SDK1: variants seen among roughly 807,000 people sequenced by gnomAD.
SDK1 encodes the protein protein sidekick-1.
A neutral mutation model predicts 245.5 loss-of-function variants in SDK1; 157 were observed. The observed-to-expected ratio is 0.64, with a 90% CI of 0.56 to 0.73. The LOEUF (loss-of-function observed/expected upper bound fraction) is 0.73, where lower values mean the gene tolerates loss of function less well. Among genes scored for constraint, SDK1 ranks in the 30% least tolerant of loss-of-function variants. The probability of loss-of-function intolerance (pLI) is 0.00; values close to 1 mark genes in which losing one functional copy is unlikely to be tolerated. For synonymous variants in SDK1, 1,647 were observed against 1,278.5 expected, an observed-to-expected ratio of 1.29 and a Z score of -6.15; for missense variants, 3,583 against 3,002.3, an observed-to-expected ratio of 1.19 and a Z score of -4.52.
intron 32 of SDK1, among the ~76,000 whole-genome samples, chr7:4,166,491 C>T (rs966137729): frequency 1.3e-5 from 2 of 152,218 alleles, no homozygotes; most frequent in Non-Finnish European, 1.5e-5. Flanking sequence ...TGGAGAAGCG[C>T]GTGGCCCCCG....
intron 14 of SDK1, among the ~76,000 whole-genome samples, chr7:4,001,711 T>C (rs1301787949): frequency 1.3e-5 from 2 of 152,342 alleles, no homozygotes; most frequent in Non-Finnish European, 2.9e-5. Context: ...TATCAAAATG[T>C]ATTTATACTG....
At chr7:4,238,367 A>G (rs1372424790) in intron 42 of SDK1, among the ~76,000 whole-genome samples, 1 of 151,922 alleles carries the variant, frequency 6.6e-6, no homozygotes, top group Admixed American at 6.6e-5. Flanking sequence ...GACGTGAGCC[A>G]CGGTGCCCAA....
Position 4,208,216 on chromosome 7 carries a change from A to C in SDK1, c.5332A>C (p.Ile1778Leu). 6.2e-7 allele frequency: 1 copy of C among 1,614,104 alleles called. No homozygotes were observed. Among genetic ancestry groups the C allele is most frequent in the Non-Finnish European group, 8.5e-7 (1 of 1,180,010 alleles). Residue 1778 changes from isoleucine (I) to leucine (L), a missense_variant, in exon 37 of 45, where the codon ATA becomes CTA. Transcript: ENST00000404826. The stretch of plus-strand genomic sequence containing the variant: ...CAGCCATACCAAGTACCTGGTCAGC[A>C]TATCAGCCTTCAACGCCGCCGGAGA... ...LTSHTKYLVS[I>L]SAFNAAGDGP... is the part of the protein sequence containing the mutation.
At chr7:3,932,498 C>A (rs1378346175) in intron 5 of SDK1, among the ~76,000 whole-genome samples, 2 of 152,154 alleles carry the variant, frequency 1.3e-5, no homozygotes, top group African/African-American at 4.8e-5. Flanking sequence ...TAGCAGAGTA[C>A]TCTATTCTTG....
intron 4 of SDK1, among the ~76,000 whole-genome samples, chr7:3,670,418 C>G (rs901916121): frequency 5.9e-5 from 9 of 152,156 alleles, no homozygotes; most frequent in Admixed American, 6.5e-5. Context: ...CTTAACTTTT[C>G]ACTTACTAGG....
At chr7:3,565,688 T>G (rs772401852) in intron 1 of SDK1, among the ~76,000 whole-genome samples, 2 of 152,202 alleles carry the variant, frequency 1.3e-5, no homozygotes, top group Non-Finnish European at 1.5e-5. Context: ...AACAGCTTAG[T>G]ATTTGGATAT....
chr7:3,973,816 G>A (rs1026639060), intron 12 of SDK1, among the ~76,000 whole-genome samples: 1 of 152,084 alleles, frequency 6.6e-6, no homozygotes, highest in Non-Finnish European at 1.5e-5. Context: ...ATGTGTTTTT[G>A]TATTATGACC....
intron 4 of SDK1, among the ~76,000 whole-genome samples, chr7:3,740,367 T>A (rs574339798): frequency 2.5e-4 from 38 of 152,316 alleles, no homozygotes; most frequent in African/African-American, 9.1e-4. Flanking sequence ...TTCTCCAGTT[T>A]TTCCATTTAA....
Position 3,672,766 on chromosome 7 carries a change from T to TACATATATATATATATATATAC in SDK1, c.713+30662_713+30663insCATATATATATATATATATACA, listed in dbSNP as rs1226753258. On this transcript the variant is annotated intron_variant, in intron 4 of 44. Coordinates refer to ENST00000404826, the MANE Select transcript of SDK1 (RefSeq NM_152744.4). ...TTTTTATAATATATAATTTTATATATATATATATATATATATATATATATA... is the reference window on the plus strand; with the variant it reads ...TTTTTATAATATATAATTTTATATATACATATATATATATATATATACATATATATATATATATATATATATA... 2.8e-4 allele frequency among the ~76,000 whole-genome samples: 21 copies of TACATATATATATATATATATAC among 74,290 alleles called. 2 individuals are homozygous for TACATATATATATATATATATAC. The highest frequency in any genetic ancestry group is 5.2e-4 in the Non-Finnish European group (20 of 38,506). The allele number at this position is 74,290 out of a possible 152,430, so 48.7% of individuals were successfully genotyped here.
intron 22 of SDK1, among the ~76,000 whole-genome samples, chr7:4,103,011 T>C (rs1298809803): frequency 1.4e-5 from 2 of 147,828 alleles, no homozygotes; most frequent in Non-Finnish European, 3.0e-5. Flanking sequence ...ACAGAGCTTT[T>C]TTTTTTGGAG....
intron 1 of SDK1, among the ~76,000 whole-genome samples, chr7:3,517,561 A>G (rs1253227445): frequency 6.6e-6 from 1 of 152,184 alleles, no homozygotes; most frequent in Non-Finnish European, 1.5e-5. Flanking sequence ...ACAACGACTT[A>G]GGGAGCCAGG....
At chr7:3,433,485 C>G (rs571949158) in intron 1 of SDK1, among the ~76,000 whole-genome samples, 3 of 152,098 alleles carry the variant, frequency 2.0e-5, no homozygotes, top group Non-Finnish European at 4.4e-5. Context: ...AAACTCTCCT[C>G]TTTTTCTCTT....
chr7:3,983,923 C>T (rs147155813), intron 13 of SDK1, among the ~76,000 whole-genome samples: 307 of 152,314 alleles, frequency 2.0e-3, no homozygotes, highest in Non-Finnish European at 3.6e-3. Context: ...CTGCACATCA[C>T]GGGCACTCAG....
intron 4 of SDK1, among the ~76,000 whole-genome samples, chr7:3,803,955 G>A (rs376226185): frequency 8.7e-5 from 13 of 149,816 alleles, no homozygotes; most frequent in African/African-American, 3.2e-4. Flanking sequence ...TAGTAGAGAC[G>A]GGGTTTCACC....
intron 1 of SDK1, among the ~76,000 whole-genome samples, chr7:3,352,000 C>G (rs961405185): frequency 2.0e-5 from 3 of 151,878 alleles, no homozygotes; most frequent in Admixed American, 6.6e-5. Flanking sequence ...TGATAAATTT[C>G]AAATGATTGA....
chr7:3,561,592 C>G (rs898543761), intron 1 of SDK1, among the ~76,000 whole-genome samples: 2 of 152,158 alleles, frequency 1.3e-5, no homozygotes, highest in African/African-American at 4.8e-5. Context: ...ATTCCTGGCA[C>G]ATGGTAAATG....
chr7:4,123,134 G>T (rs1397295941), intron 25 of SDK1, among the ~76,000 whole-genome samples: 2 of 152,142 alleles, frequency 1.3e-5, no homozygotes, highest in African/African-American at 4.8e-5. Flanking sequence ...TCTATAGGGA[G>T]AATTGGGCAC....
intron 5 of SDK1, among the ~76,000 whole-genome samples, chr7:3,913,373 A>C (rs1174792448): frequency 6.7e-6 from 1 of 149,258 alleles, no homozygotes; most frequent in Non-Finnish European, 1.5e-5. Flanking sequence ...GGCTCACTGC[A>C]ACCTCCGCCT....
chr7:3,986,190 A>T (rs1416612996), intron 13 of SDK1, among the ~76,000 whole-genome samples: 3 of 125,098 alleles, frequency 2.4e-5, no homozygotes, highest in African/African-American at 7.9e-5. Context: ...GTTAAGTCCC[A>T]GTAAAAACTT....
Sources: allele counts gnomAD v4.1 joint callset (sites outside exome capture counted in the v4.1 genomes callset), GRCh38; gene constraint gnomAD v4.1.1; transcripts MANE v1.5; gene names NCBI Gene and HGNC (gene_info 2026-07-23, HGNC 2026-07-21).